Variants in ATP8A2 observed in about 807,000 individuals in gnomAD.
ATP8A2 encodes the protein ATPase phospholipid transporting 8A2.
ATP8A2 carries 100 observed loss-of-function variants against 165.6 expected under a neutral mutation model. That is an observed-to-expected ratio of 0.60 (90% confidence interval 0.51 to 0.71). The LOEUF (loss-of-function observed/expected upper bound fraction) is 0.71, where lower values mean the gene tolerates loss of function less well. ATP8A2 is among the 30% of genes least tolerant of loss of function. The pLI is 0.00. For synonymous variants in ATP8A2, 543 were observed against 548.8 expected (o/e 0.99, Z 0.15); for missense variants, 1,227 against 1,479.5 (o/e 0.83, Z 2.80).
At chr13:25,595,004 A>G (rs1034165728) in intron 24 of ATP8A2, among the ~76,000 whole-genome samples, 8 of 148,878 alleles carry the variant, frequency 5.4e-5, no homozygotes, top group African/African-American at 1.7e-4. Context: ...ATATATATAT[A>G]TATGTATGTA....
chr13:25,408,491 C>A (rs12875713), intron 1 of ATP8A2, among the ~76,000 whole-genome samples: 73,967 of 152,010 alleles, frequency 0.49, 18,922 homozygotes, highest in Non-Finnish European at 0.55. Context: ...TACGCAGTTC[C>A]CTGTGGCAGG....
chr13:25,613,654 C>T (rs962053877), intron 24 of ATP8A2, among the ~76,000 whole-genome samples: 8 of 152,158 alleles, frequency 5.3e-5, no homozygotes, highest in African/African-American at 1.9e-4. Flanking sequence ...ATTCTCTCAG[C>T]ATTTTTTTGT....
chr13:25,660,719 C>T (rs1275010534), intron 24 of ATP8A2, among the ~76,000 whole-genome samples: 1 of 152,058 alleles, frequency 6.6e-6, no homozygotes, highest in Non-Finnish European at 1.5e-5. Flanking sequence ...TGGAAATATT[C>T]CCTCATTAAA....
At chr13:25,856,476 C>G (rs1219711636) in intron 30 of ATP8A2, among the ~76,000 whole-genome samples, 4 of 152,140 alleles carry the variant, frequency 2.6e-5, no homozygotes, top group Non-Finnish European at 5.9e-5. Flanking sequence ...CACTAAAAGC[C>G]TAGACTTCAC....
At chr13:25,753,548 A>G (rs35169589) in intron 25 of ATP8A2, among the ~76,000 whole-genome samples, 20,710 of 152,254 alleles carry the variant, frequency 0.14, 1,534 homozygotes, top group East Asian at 0.22. Context: ...TATTGAGATG[A>G]ACACCACCAG....
rs372711268 is a variant in ATP8A2 at position 25,523,084 on chromosome 13, G to A, written c.222-6915G>A. ...GGTGAGCTGAGATCACACTACTGCC[G>A]TCCAGCCTGGGCAACAGGGCTAGAC... On this transcript the variant is annotated intron_variant, in intron 2 of 36. Coordinates refer to ENST00000381655, the MANE Select transcript of ATP8A2 (RefSeq NM_016529.6). Among the ~76,000 whole-genome samples, 10 of 150,508 alleles carry A rather than the reference G, an allele frequency of 6.6e-5. No homozygotes were observed. In the East Asian group the frequency reaches 7.8e-4, roughly 12 times the overall value.
intron 1 of ATP8A2, among the ~76,000 whole-genome samples, chr13:25,465,665 TTC>T (rs1007693073): frequency 1.1e-3 from 5 of 4,520 alleles, no homozygotes; most frequent in African/African-American, 3.0e-3. Flanking sequence ...TTGCAGAGTT[TTC>T]TTTCTTTCTT....
At chr13:25,930,572 A>G (rs1954743743) in intron 33 of ATP8A2, among the ~76,000 whole-genome samples, 1 of 152,194 alleles carries the variant, frequency 6.6e-6, no homozygotes, top group African/African-American at 2.4e-5. Context: ...TTTCATTGCC[A>G]TTTATGACAA....
chr13:25,445,671 G>A (rs1435577356), intron 1 of ATP8A2, among the ~76,000 whole-genome samples: 1 of 152,210 alleles, frequency 6.6e-6, no homozygotes, highest in Non-Finnish European at 1.5e-5. Context: ...TTACAGAGGA[G>A]GACTCATTGG....
intron 24 of ATP8A2, among the ~76,000 whole-genome samples, chr13:25,593,240 G>C (rs927232596): frequency 6.6e-6 from 1 of 152,098 alleles, no homozygotes; most frequent in Non-Finnish European, 1.5e-5. Flanking sequence ...GATGGGACAG[G>C]GACACAGAAA....
At chr13:25,593,330 G>A (rs1332099380) in intron 24 of ATP8A2, among the ~76,000 whole-genome samples, 2 of 152,104 alleles carry the variant, frequency 1.3e-5, no homozygotes, top group African/African-American at 4.8e-5. Flanking sequence ...TCCACACCTG[G>A]CCCCTATCAG....
intron 12 of ATP8A2, among the ~76,000 whole-genome samples, chr13:25,554,200 G>A (rs897549806): frequency 7.9e-5 from 12 of 152,118 alleles, no homozygotes; most frequent in African/African-American, 1.7e-4. Context: ...TGCTATTCAC[G>A]CTTTTAACAT....
chr13:25,503,560 C>A (rs993684538), intron 2 of ATP8A2, among the ~76,000 whole-genome samples: 2 of 152,084 alleles, frequency 1.3e-5, no homozygotes, highest in African/African-American at 4.8e-5. Context: ...GGGGCCAGGA[C>A]AAGACCTCAT....
At chr13:25,908,342 A>C (rs923282321) in intron 33 of ATP8A2, among the ~76,000 whole-genome samples, 2 of 152,188 alleles carry the variant, frequency 1.3e-5, no homozygotes, top group African/African-American at 4.8e-5. Flanking sequence ...TTCACCCTTC[A>C]AGTTGTCTTG....
chr13:25,913,680 C>A (rs1954187194), intron 33 of ATP8A2, among the ~76,000 whole-genome samples: 1 of 152,034 alleles, frequency 6.6e-6, no homozygotes, highest in African/African-American at 2.4e-5. Context: ...TAAGTTCAGT[C>A]TTTAGAAATT....
At chr13:25,779,130 A>G (rs551939367) in intron 27 of ATP8A2, among the ~76,000 whole-genome samples, 44 of 152,142 alleles carry the variant, frequency 2.9e-4, no homozygotes, top group South Asian at 2.3e-3. Flanking sequence ...AAAAAAAAAA[A>G]AGAGAAAAAT....
intron 35 of ATP8A2, among the ~76,000 whole-genome samples, chr13:25,998,875 C>T (rs897078952): frequency 6.6e-6 from 1 of 152,204 alleles, no homozygotes; most frequent in South Asian, 2.1e-4. Context: ...TCCACAAACA[C>T]TGCTCACAAT....
intron 27 of ATP8A2, among the ~76,000 whole-genome samples, chr13:25,792,217 A>G (rs1464109733): frequency 6.6e-6 from 1 of 152,202 alleles, no homozygotes; most frequent in Non-Finnish European, 1.5e-5. Context: ...ATCTGTATAC[A>G]TTTAGTGTGC....
chr13:25,519,749 A>C (rs1008847122), intron 2 of ATP8A2, among the ~76,000 whole-genome samples: 1 of 152,054 alleles, frequency 6.6e-6, no homozygotes, highest in Non-Finnish European at 1.5e-5. Flanking sequence ...TGGCACATGC[A>C]TTTCGTCACA....
Sources: allele counts gnomAD v4.1 joint callset (sites outside exome capture counted in the v4.1 genomes callset), GRCh38; gene constraint gnomAD v4.1.1; transcripts MANE v1.5; gene names NCBI Gene and HGNC (gene_info 2026-07-23, HGNC 2026-07-21).